The following DRC5 variants were observed in gnomAD, a reference collection of about 807,000 sequenced individuals.
DRC5 encodes T-complex-associated testis-expressed protein 1.
chr6:44,286,171 G>C, the DRC5 span: 1 of 1,612,788 alleles, frequency 6.2e-7, no homozygotes. Context: ...CGCTGCCTGA[G>C]TCGGACTGGT....
At chr6:44,293,727 G>C in the DRC5 span, among the ~76,000 whole-genome samples, 1 of 152,190 alleles carries the variant, frequency 6.6e-6, no homozygotes, top group African/African-American at 2.4e-5. Context: ...TTGGGAAGTG[G>C]GGAGGGCCTC....
the DRC5 span, among the ~76,000 whole-genome samples, chr6:44,288,306 C>CCTTTTTCAGAAAAGG: frequency 2.0e-5 from 3 of 152,072 alleles, no homozygotes; most frequent in Non-Finnish European, 4.4e-5. Flanking sequence ...CTCAGAAAAG[C>CCTTTTTCAGAAAAGG]CTTTTTCAGA....
At chr6:44,297,412 G>T in the DRC5 span, among the ~76,000 whole-genome samples, 1 of 152,170 alleles carries the variant, frequency 6.6e-6, no homozygotes, top group East Asian at 1.9e-4. Flanking sequence ...GGGCCAGACG[G>T]TTTGCAGACA....
At chr6:44,284,701 G>A in the DRC5 span, among the ~76,000 whole-genome samples, 1 of 152,078 alleles carries the variant, frequency 6.6e-6, no homozygotes, top group Non-Finnish European at 1.5e-5. Flanking sequence ...GATCCTCCCT[G>A]TGCCAGTGTG....
the DRC5 span, chr6:44,288,006 C>T: frequency 3.3e-3 from 2,341 of 702,310 alleles, 40 homozygotes; most frequent in African/African-American, 0.035. Flanking sequence ...TAGTGCTTAA[C>T]GATCAGTCCC....
the DRC5 span, among the ~76,000 whole-genome samples, chr6:44,289,002 A>AAAAAAAG: frequency 7.7e-4 from 90 of 117,132 alleles, 2 homozygotes; most frequent in Non-Finnish European, 1.5e-3. Flanking sequence ...TCAAAAAAAA[A>AAAAAAAG]AAAAAAAAAA....
chr6:44,282,115 C>T, the DRC5 span: 25 of 1,610,428 alleles, frequency 1.6e-5, no homozygotes, highest in African/African-American at 2.4e-4. Context: ...CTCACCAGCC[C>T]GATGTGGTTG....
chr6:44,281,041 G>A, the DRC5 span, among the ~76,000 whole-genome samples: 243 of 152,272 alleles, frequency 1.6e-3, 1 homozygote, highest in East Asian at 0.02. Flanking sequence ...GTGTGTGTGC[G>A]CGCATGCACG....
chr6:44,284,089 G>A, the DRC5 span, among the ~76,000 whole-genome samples: 6,077 of 151,980 alleles, frequency 0.04, 227 homozygotes, highest in East Asian at 0.18. Context: ...TTTCCCCTTC[G>A]CAGCCAAGTT....
chr6:44,286,118 C>T, the DRC5 span: 8 of 1,614,038 alleles, frequency 5.0e-6, no homozygotes, highest in Non-Finnish European at 6.8e-6. Context: ...TACCAGATCG[C>T]CCAGTTGGTA....
At chr6:44,282,279 T>C in the DRC5 span, 17 of 1,614,080 alleles carry the variant, frequency 1.1e-5, no homozygotes, top group African/African-American at 2.1e-4. Context: ...GCCACCCTCA[T>C]CCTCGATGCA....
chr6:44,291,972 C>A, the DRC5 span, among the ~76,000 whole-genome samples: 1 of 143,280 alleles, frequency 7.0e-6, no homozygotes, highest in Non-Finnish European at 1.5e-5. Flanking sequence ...CCTCTCCTTT[C>A]CTGCTGCTGC....
the DRC5 span, among the ~76,000 whole-genome samples, chr6:44,294,463 G>A: frequency 0.16 from 23,833 of 152,024 alleles, 2,100 homozygotes; most frequent in Non-Finnish European, 0.2. Context: ...GGGCAAGGGA[G>A]GCGGGATATG....
chr6:44,292,567 G>A, the DRC5 span, among the ~76,000 whole-genome samples: 6 of 152,170 alleles, frequency 3.9e-5, no homozygotes, highest in East Asian at 1.9e-4. Context: ...TGCTTTAGGC[G>A]AGGTAGCTGG....
chr6:44,284,979 T>A, the DRC5 span, among the ~76,000 whole-genome samples: 1 of 152,204 alleles, frequency 6.6e-6, no homozygotes, highest in African/African-American at 2.4e-5. Context: ...CTCCTAAGGA[T>A]AAAGATAGCC....
At chr6:44,282,649 G>T in the DRC5 span, 5 of 1,183,148 alleles carry the variant, frequency 4.2e-6, no homozygotes, top group Non-Finnish European at 5.9e-6. Flanking sequence ...CTCACCTAGT[G>T]TTGGCCACCT....
At chr6:44,297,490 G>C in the DRC5 span, among the ~76,000 whole-genome samples, 1 of 152,208 alleles carries the variant, frequency 6.6e-6, no homozygotes, top group African/African-American at 2.4e-5. Context: ...CGTGGGTACG[G>C]ACCGGCGCTT....
At chr6:44,281,395 T>C in the DRC5 span, among the ~76,000 whole-genome samples, 1 of 152,246 alleles carries the variant, frequency 6.6e-6, no homozygotes, top group Non-Finnish European at 1.5e-5. Flanking sequence ...AAATTGCATT[T>C]TTTTTTTGAG....
At chr6:44,283,742 G>A in the DRC5 span, among the ~76,000 whole-genome samples, 11 of 152,218 alleles carry the variant, frequency 7.2e-5, 1 homozygote, top group Admixed American at 7.2e-4. Context: ...CAATAGGCTT[G>A]TAACGCTGCA....
Sources: gnomAD v4.1 joint callset for allele counts (sites outside exome capture counted in the v4.1 genomes callset) on GRCh38, gnomAD v4.1.1 for gene constraint, MANE v1.5 for transcripts, NCBI Gene and HGNC (gene_info 2026-07-23, HGNC 2026-07-21) for gene names.